SNX25: variants seen among roughly 807,000 people sequenced by gnomAD.
SNX25 encodes sorting nexin 25.
Under a neutral mutation model 113.7 loss-of-function variants are expected in SNX25, and 62 were observed. That is an observed-to-expected ratio of 0.55 (90% CI 0.44 to 0.67). The LOEUF (loss-of-function observed/expected upper bound fraction) is 0.67. Ranked by LOEUF, SNX25 falls within the 30% of genes least tolerant of loss-of-function variation. The pLI is 0.00. For missense variants in SNX25, 1,014 were observed against 1,161.0 expected (o/e 0.87, Z 1.84); for synonymous variants, 421 against 436.2 (o/e 0.97, Z 0.43).
At chr4:185,215,047 A>G (rs1411641931) in intron 1 of SNX25, among the ~76,000 whole-genome samples, 3 of 152,040 alleles carry the variant, frequency 2.0e-5, no homozygotes, top group Non-Finnish European at 2.9e-5. Flanking sequence ...TGGCTAACAC[A>G]GTGAAACCCC....
chr4:185,301,445 G>A (rs1337786239), intron 6 of SNX25, among the ~76,000 whole-genome samples: 1 of 152,144 alleles, frequency 6.6e-6, no homozygotes, highest in African/African-American at 2.4e-5. Flanking sequence ...AGGCTGGAGT[G>A]CAGTGGTGCA....
chr4:185,226,748 G>A (rs1456912193), intron 1 of SNX25, among the ~76,000 whole-genome samples: 2 of 152,200 alleles, frequency 1.3e-5, no homozygotes, highest in Non-Finnish European at 2.9e-5. Flanking sequence ...ACCACACTGT[G>A]CCTTGGAAAA....
intron 15 of SNX25, among the ~76,000 whole-genome samples, chr4:185,354,408 G>A (rs1268888814): frequency 6.6e-6 from 1 of 152,164 alleles, no homozygotes; most frequent in African/African-American, 2.4e-5. Flanking sequence ...GACATATGGT[G>A]ATGTCTGAAA....
chr4:185,275,235 C>T (rs1749495599), intron 5 of SNX25, among the ~76,000 whole-genome samples: 1 of 152,160 alleles, frequency 6.6e-6, no homozygotes, highest in Non-Finnish European at 1.5e-5. Flanking sequence ...TCTGACCCCT[C>T]ATTTGAAGAT....
At chr4:185,248,587 G>A (rs1745182989) in intron 2 of SNX25, among the ~76,000 whole-genome samples, 1 of 152,152 alleles carries the variant, frequency 6.6e-6, no homozygotes, top group Non-Finnish European at 1.5e-5. Context: ...GAGAGGCAGA[G>A]ATTTGCAGTG....
intron 9 of SNX25, among the ~76,000 whole-genome samples, chr4:185,325,784 T>C (rs1219547693): frequency 2.0e-5 from 3 of 152,156 alleles, no homozygotes; most frequent in Admixed American, 2.0e-4. Flanking sequence ...CCAAGATAAC[T>C]TGGGGTTCCT....
rs767561024 is a variant in SNX25, at chr4:185,288,017, A to G, written c.1097A>G (p.Gln366Arg). ...DVEFLKQLRY[Q>R]IVVEIIQATT... ...TTTCTCTTTTTAAAAATCAGGTATC[A>G]AATTGTAGTGGAAATAATCCAGGCG... Residue 366 changes from glutamine (Q) to arginine (R), a missense_variant, in exon 6 of 19, where the codon CAA becomes CGA. Gln to Arg is a conservative substitution (Grantham distance 43, BLOSUM62 1). Transcript: ENST00000652585. The G allele has an allele frequency of 1.6e-5, 26 of 1,610,544 alleles. No homozygotes were observed. The highest frequency in any genetic ancestry group is 2.0e-5 in the Non-Finnish European group (24 of 1,178,630).
intron 7 of SNX25, among the ~76,000 whole-genome samples, chr4:185,319,068 ACTTTT>A (rs1198502411): frequency 7.0e-6 from 1 of 142,542 alleles, no homozygotes; most frequent in Non-Finnish European, 1.5e-5. Flanking sequence ...CCTCCAGCCC[ACTTTT>A]CCCCTTTATT....
intron 11 of SNX25, among the ~76,000 whole-genome samples, chr4:185,341,631 AT>A (rs1428252351): frequency 6.6e-6 from 1 of 152,138 alleles, no homozygotes; most frequent in Non-Finnish European, 1.5e-5. Flanking sequence ...GCTTATTCAG[AT>A]TGTTGGCAGA....
At chr4:185,287,902 T>G in intron 5 of SNX25, 110 bp from the exon 6 acceptor site, 1 of 872,852 alleles carries the variant, frequency 1.1e-6, no homozygotes, top group Non-Finnish European at 1.7e-6. Context: ...TTGGGCAGGA[T>G]TCACAGCTCC....
At chr4:185,364,753 A>G (rs1185161357), downstream of SNX25, 2 of 152,212 alleles carry the variant, frequency 1.3e-5, no homozygotes, top group African/African-American at 2.4e-5. Context: ...TCAAAAGACT[A>G]TATAGAAAAG....
chr4:185,207,791 G>T (rs1341589025), upstream of SNX25: 2 of 151,524 alleles, frequency 1.3e-5, no homozygotes, highest in Non-Finnish European at 2.9e-5. Context: ...CATCGGGGTT[G>T]CTGGGAAGAT....
intron 1 of SNX25, among the ~76,000 whole-genome samples, chr4:185,246,875 A>T (rs1343035299): frequency 1.3e-5 from 2 of 152,168 alleles, no homozygotes; most frequent in Non-Finnish European, 2.9e-5. Flanking sequence ...AGTTATTTAT[A>T]TACAGAATGT....
In SNX25 at chr4:185,351,622, A is replaced by T; in HGVS notation, c.2466+13A>T. Reference sequence around the variant, plus strand: ...CTCCCACCAGGAGGTGAGCCGTTGAAAGAGTGAACCACTTTTGTAGTGTAT... The same window carrying T: ...CTCCCACCAGGAGGTGAGCCGTTGATAGAGTGAACCACTTTTGTAGTGTAT... On this transcript the variant is annotated intron_variant, in intron 14 of 18. Transcript: ENST00000652585. 6.2e-7 allele frequency: 1 copy of T among 1,612,264 alleles called. No homozygotes were observed. Among genetic ancestry groups the T allele is most frequent in the Non-Finnish European group, 8.5e-7 (1 of 1,179,248 alleles).
intron 17 of SNX25, 111 bp downstream of exon 17, chr4:185,362,216 A>T (rs1445233938): frequency 7.1e-7 from 1 of 1,418,430 alleles, no homozygotes; most frequent in East Asian, 2.5e-5. Context: ...AATGAAAAAA[A>T]AAAGGATCAT....
At chr4:185,244,735 G>T (rs149279728) in intron 1 of SNX25, among the ~76,000 whole-genome samples, 92 of 152,126 alleles carry the variant, frequency 6.0e-4, no homozygotes, top group Middle Eastern at 3.4e-3. Context: ...ATTAATTTGA[G>T]CATAAAGGAA....
chr4:185,231,078 C>A (rs1439304450), intron 1 of SNX25, among the ~76,000 whole-genome samples: 1 of 150,000 alleles, frequency 6.7e-6, no homozygotes, highest in Non-Finnish European at 1.5e-5. Context: ...GTCTTAATAA[C>A]ATGTTTCTTT....
the SNX25 span, among the ~76,000 whole-genome samples, chr4:185,375,310 A>G: frequency 2.2e-3 from 335 of 149,352 alleles, 1 homozygote; most frequent in Non-Finnish European, 2.1e-3. Flanking sequence ...TACAAAAATT[A>G]GCCAGGCGTG....
At chr4:185,250,271 A>G (rs181027647) in intron 2 of SNX25, among the ~76,000 whole-genome samples, 2 of 152,340 alleles carry the variant, frequency 1.3e-5, no homozygotes, top group African/African-American at 4.8e-5. Context: ...CAACACCGTT[A>G]GTGGAATTCT....
Sources: gnomAD v4.1 joint callset for allele counts (sites outside exome capture counted in the v4.1 genomes callset) on GRCh38, gnomAD v4.1.1 for gene constraint, MANE v1.5 for transcripts, NCBI Gene and HGNC (gene_info 2026-07-23, HGNC 2026-07-21) for gene names.